The following INTS7 variants were observed in gnomAD, a reference collection of about 807,000 sequenced individuals.
INTS7 encodes the protein integrator complex subunit 7.
In INTS7, 46 loss-of-function variants were observed where a neutral mutation model predicts 109.2. The ratio of observed to expected loss-of-function variants is 0.42; its 90% CI spans 0.33 to 0.54. The LOEUF (loss-of-function observed/expected upper bound fraction) is 0.54, where lower values mean the gene tolerates loss of function less well. INTS7 is among the 20% of genes least tolerant of loss of function. The pLI, the probability that INTS7 is intolerant of heterozygous loss-of-function variation, is 0.07. For missense variants in INTS7, 929 were observed against 1,132.4 expected (o/e 0.82, Z 2.58); for synonymous variants, 412 against 402.9 (o/e 1.02, Z -0.27).
intron 16 of INTS7, among the ~76,000 whole-genome samples, chr1:211,953,987 A>G (rs1228430799): frequency 6.6e-6 from 1 of 152,202 alleles, no homozygotes; most frequent in Non-Finnish European, 1.5e-5. Context: ...TGACTTCCAC[A>G]ATGGTTGAAC....
chr1:212,018,795 T>C (rs1189603371), intron 3 of INTS7, among the ~76,000 whole-genome samples: 1 of 152,232 alleles, frequency 6.6e-6, no homozygotes, highest in Non-Finnish European at 1.5e-5. Context: ...ATACAGTAGT[T>C]CACCAATAGC....
chr1:211,941,518 T>C lies in INTS7; in HGVS notation c.*306A>G, dbSNP rs2808385. 0.62 allele frequency: 159,958 copies of C among 259,662 alleles called. 50,373 individuals carry two copies. Among genetic ancestry groups the C allele is most frequent in the Non-Finnish European group, 0.66 (90,201 of 136,316 alleles). 16.1% of individuals were successfully genotyped at this position (259,662 alleles called of 1,614,324 possible). A position where few individuals can be genotyped will look rare whatever the true frequency, so the allele number is the denominator to read the frequency against. ...GACTACAGGCGCCTGCCACCATGCT[T>C]GGCTAATTTTTTTGTATTTTTTAGT... is the stretch of plus-strand genomic sequence containing the variant. On this transcript the variant is annotated 3_prime_UTR_variant, in exon 20 of 20. Transcript: ENST00000366994.
Position 211,944,854 on chromosome 1 carries a change from A to T in INTS7, c.2531T>A (p.Phe844Tyr). The change falls in exon 19 of 20, where the codon TTC becomes TAC. Residue 844 changes from phenylalanine to tyrosine, a missense_variant. By Grantham distance (22) the Phe-to-Tyr change is conservative (BLOSUM62 3). Coordinates refer to ENST00000366994, the MANE Select transcript of INTS7 (RefSeq NM_015434.4). The part of the protein sequence containing the change: ...VVQHGSKPGL[F>Y]RKIQSVCLNV... Reference sequence around the variant, plus strand: ...CAGACAGACAGACTGAATTTTGCGGAAGAGTCCTGGTTTAGATCCGTGCTG... The same window carrying T: ...CAGACAGACAGACTGAATTTTGCGGTAGAGTCCTGGTTTAGATCCGTGCTG... 6.2e-7 allele frequency: 1 copy of T among 1,614,198 alleles called. No individual in the cohort carries two copies. Among genetic ancestry groups the T allele is most frequent in the Non-Finnish European group, 8.5e-7 (1 of 1,180,014 alleles).
At chr1:212,023,109 T>C (rs964299208) in intron 1 of INTS7, among the ~76,000 whole-genome samples, 1 of 152,236 alleles carries the variant, frequency 6.6e-6, no homozygotes, top group African/African-American at 2.4e-5. Context: ...CTGCATAGTA[T>C]TCCATGGTAT....
chr1:212,032,145 T>C (rs1667193515), intron 1 of INTS7, among the ~76,000 whole-genome samples: 1 of 152,230 alleles, frequency 6.6e-6, no homozygotes, highest in South Asian at 2.1e-4. Context: ...TATCCTCATC[T>C]AATCCATTAG....
At chr1:211,950,116 T>C (rs1000366429) in intron 17 of INTS7, among the ~76,000 whole-genome samples, 1 of 152,226 alleles carries the variant, frequency 6.6e-6, no homozygotes. Flanking sequence ...TCTTTCTTTC[T>C]TAGACTATGG....
Position 211,942,081 on chromosome 1 carries a change from C to G in INTS7, c.2632G>C (p.Glu878Gln), listed in dbSNP as rs149531895. 9.3e-5 allele frequency: 150 copies of G among 1,613,996 alleles called. No homozygotes were observed. The highest frequency in any genetic ancestry group is 1.2e-4 in the Non-Finnish European group (142 of 1,179,978). The change falls in exon 20 of 20, where the codon GAG becomes CAG. Residue 878 changes from glutamate (E) to glutamine (Q), a missense_variant. By Grantham distance (29) the Glu-to-Gln change is conservative. This residue lies in a region of INTS7 where 787 missense variants were observed against 901.1 expected (regional missense o/e 0.87). Coordinates refer to ENST00000366994, the MANE Select transcript of INTS7 (RefSeq NM_015434.4). This position sits in a 1 kb window ranked among gnomAD's most constrained non-coding sequence, Gnocchi z 4.2. The part of the protein sequence containing the change: ...IPIDNMTNEM[E>Q]QRVEPHNDYF... ...TCATTATGAGGTTCAACCCTTTGCT[C>G]CATCTCATTGGTCATGTTGTCAATG...
At chr1:211,993,001 T>A (rs1665210380) in intron 7 of INTS7, among the ~76,000 whole-genome samples, 1 of 152,224 alleles carries the variant, frequency 6.6e-6, no homozygotes, top group African/African-American at 2.4e-5. Flanking sequence ...GCCTGAATTA[T>A]TGTTGTCTGG....
chr1:211,950,470 C>T (rs950279004), intron 17 of INTS7, among the ~76,000 whole-genome samples: 5 of 152,026 alleles, frequency 3.3e-5, no homozygotes, highest in South Asian at 2.1e-4. Flanking sequence ...TGGGGTTTCA[C>T]CATGTTGGGC....
In INTS7 at chr1:212,016,964, C is replaced by T. The variant is rs147767700; in HGVS notation, c.431G>A (p.Arg144His). 1.5e-5 allele frequency: 24 copies of T among 1,602,990 alleles called. No individual in the cohort carries two copies. Among genetic ancestry groups the T allele is most frequent in the African/African-American group, 4.1e-5 (3 of 74,040 alleles). Residue 144 changes from arginine to histidine, a missense_variant, in exon 4 of 20, where the codon CGT becomes CAT. Transcript: ENST00000366994. ...PERKNAHHSI[R>H]QSLDSHDNVE... ...ATTATCATGTGAATCTAAACTCTGA[C>T]GAATACTATGATGAGCATTCTTCCT...
At chr1:211,981,235 T>TTTGTAC in intron 9 of INTS7, 45 bp from the exon 10 acceptor site, 3 of 1,233,402 alleles carry the variant, frequency 2.4e-6, no homozygotes, top group Non-Finnish European at 3.6e-6. Flanking sequence ...GTGATGTGTG[T>TTTGTAC]ACAAACACAC....
intron 7 of INTS7, among the ~76,000 whole-genome samples, chr1:212,003,053 T>C (rs1665747008): frequency 6.6e-6 from 1 of 151,750 alleles, no homozygotes; most frequent in Non-Finnish European, 1.5e-5. Flanking sequence ...GAAAACAAGA[T>C]AAGGAACATG....
At chr1:212,028,361 A>G (rs1181930578) in intron 1 of INTS7, among the ~76,000 whole-genome samples, 1 of 152,252 alleles carries the variant, frequency 6.6e-6, no homozygotes, top group Non-Finnish European at 1.5e-5. Flanking sequence ...CTAAAATCTT[A>G]CTGAAGAAGG....
At chr1:212,026,847 T>A (rs1188104520) in intron 1 of INTS7, among the ~76,000 whole-genome samples, 1 of 152,240 alleles carries the variant, frequency 6.6e-6, no homozygotes, top group Non-Finnish European at 1.5e-5. Flanking sequence ...AAACAGCCTA[T>A]GTACAGGTAG....
At position 211,959,427 on chromosome 1, in the gene INTS7, T is replaced by C. The variant is rs1182267893; in HGVS notation, c.2184-6726A>G. Among the ~76,000 whole-genome samples, 1 of 152,152 alleles carries C rather than the reference T, an allele frequency of 6.6e-6. No homozygotes were observed. The highest frequency in any genetic ancestry group is 1.5e-5 in the Non-Finnish European group (1 of 68,010). On this transcript the variant is annotated intron_variant, in intron 16 of 19. Coordinates refer to ENST00000366994, the MANE Select transcript of INTS7 (RefSeq NM_015434.4). The surrounding 1 kb of genome is among the most constrained non-coding windows in gnomAD (Gnocchi z 4.2). ...CATCATAGCTCCTGTGCTTGTGGAC[T>C]GCGCCTAACTGGTAGTGAGCTCCAG... is the stretch of plus-strand genomic sequence containing the variant.
chr1:211,957,360 A>G (rs181826648), intron 16 of INTS7, among the ~76,000 whole-genome samples: 1 of 152,254 alleles, frequency 6.6e-6, no homozygotes, highest in Admixed American at 6.5e-5. Context: ...AGCCTGACCA[A>G]TATGGTGAAA....
chr1:211,982,546 C>T, intron 9 of INTS7, 130 bp downstream of exon 9: 2 of 641,948 alleles, frequency 3.1e-6, no homozygotes, highest in Admixed American at 5.6e-5. Flanking sequence ...TCTAAGAACA[C>T]TTTGAAAGGA....
At chr1:211,974,548 C>T (rs1664334772) in intron 13 of INTS7, among the ~76,000 whole-genome samples, 1 of 151,638 alleles carries the variant, frequency 6.6e-6, no homozygotes, top group Admixed American at 6.6e-5. Flanking sequence ...AACTTCTTTA[C>T]TTTTAAAGGG....
chr1:212,027,616 A>C (rs1386056889), intron 1 of INTS7, among the ~76,000 whole-genome samples: 1 of 152,272 alleles, frequency 6.6e-6, no homozygotes, highest in Non-Finnish European at 1.5e-5. Flanking sequence ...TTCATTTGGC[A>C]GTAGTAAAGC....
Sources: allele counts gnomAD v4.1 joint callset (sites outside exome capture counted in the v4.1 genomes callset), GRCh38; gene constraint gnomAD v4.1.1; regional missense constraint gnomAD v4.1.1; non-coding constraint Gnocchi (gnomAD v3.1); transcripts MANE v1.5; gene names NCBI Gene and HGNC (gene_info 2026-07-23, HGNC 2026-07-21).